The following NRXN3 variants were observed in gnomAD, a reference collection of about 807,000 sequenced individuals.
NRXN3 encodes the protein neurexin 3.
Under a neutral mutation model 137.6 loss-of-function variants are expected in NRXN3, and 32 were observed. That is an observed-to-expected ratio of 0.23 (90% CI 0.18 to 0.31). The LOEUF (loss-of-function observed/expected upper bound fraction) is 0.31. NRXN3 is among the 10% of genes least tolerant of loss of function. The pLI is 1.00. For missense variants in NRXN3, 1,574 were observed against 2,062.5 expected, an observed-to-expected ratio of 0.76 and a Z score of 4.59; for synonymous variants, 798 against 784.5, an observed-to-expected ratio of 1.02 and a Z score of -0.29.
intron 8 of NRXN3, among the ~76,000 whole-genome samples, chr14:78,740,696 G>T (rs954096219): frequency 6.6e-6 from 1 of 151,980 alleles, no homozygotes; most frequent in Non-Finnish European, 1.5e-5. Context: ...AGTTCTCTTT[G>T]CATGTTGGCT....
intron 16 of NRXN3, among the ~76,000 whole-genome samples, chr14:79,531,818 T>C (rs1437413939): frequency 2.0e-5 from 3 of 152,196 alleles, no homozygotes; most frequent in African/African-American, 4.8e-5. Context: ...GTTGAATCTC[T>C]GTTGGCTTGA....
intron 15 of NRXN3, among the ~76,000 whole-genome samples, chr14:79,216,253 G>A (rs928517484): frequency 2.6e-5 from 4 of 152,190 alleles, no homozygotes; most frequent in African/African-American, 9.6e-5. Flanking sequence ...CATGCATGGT[G>A]GCTGCGCTTC....
chr14:79,228,843 A>G (rs1475381665), intron 15 of NRXN3, among the ~76,000 whole-genome samples: 1 of 152,168 alleles, frequency 6.6e-6, no homozygotes, highest in Non-Finnish European at 1.5e-5. Context: ...TCTGGATTAC[A>G]CATTTGCTGA....
At chr14:78,200,429 G>T (rs924435719) in intron 1 of NRXN3, among the ~76,000 whole-genome samples, 1 of 152,142 alleles carries the variant, frequency 6.6e-6, no homozygotes, top group Non-Finnish European at 1.5e-5. Context: ...GTCACCTGGG[G>T]TCCCAGAGTC....
chr14:79,804,888 C>G (rs2099197615), intron 19 of NRXN3, among the ~76,000 whole-genome samples: 1 of 152,142 alleles, frequency 6.6e-6, no homozygotes, highest in African/African-American at 2.4e-5. Context: ...GGTCACTCAG[C>G]TCTACGGAAG....
At chr14:79,166,014 A>G (rs952179261) in intron 15 of NRXN3, among the ~76,000 whole-genome samples, 75 of 151,946 alleles carry the variant, frequency 4.9e-4, no homozygotes, top group African/African-American at 1.7e-3. Flanking sequence ...AGAATGTTCT[A>G]TTTGCTCCAA....
At chr14:79,701,844 CTATGT>C (rs1482185982) in intron 19 of NRXN3, among the ~76,000 whole-genome samples, 27 of 152,070 alleles carry the variant, frequency 1.8e-4, no homozygotes, top group Admixed American at 2.6e-4. Flanking sequence ...CTTCTAGTGG[CTATGT>C]TATATGATTG....
intron 16 of NRXN3, among the ~76,000 whole-genome samples, chr14:79,589,683 T>C (rs939694750): frequency 3.3e-5 from 5 of 151,922 alleles, no homozygotes; most frequent in Non-Finnish European, 7.4e-5. Context: ...GCAGAAGACA[T>C]TATTGAACAA....
chr14:79,314,713 G>C, intron 15 of NRXN3, among the ~76,000 whole-genome samples: 1 of 145,362 alleles, frequency 6.9e-6, no homozygotes, highest in South Asian at 2.3e-4. Context: ...CGCAGCTGGA[G>C]ATCTGAGGAC....
chr14:79,303,172 A>T (rs1197282879), intron 15 of NRXN3, among the ~76,000 whole-genome samples: 4 of 151,940 alleles, frequency 2.6e-5, no homozygotes, highest in African/African-American at 9.7e-5. Flanking sequence ...GGCTTTAGGG[A>T]ATGCCCTTTA....
intron 4 of NRXN3, among the ~76,000 whole-genome samples, chr14:78,631,147 C>T (rs1418259691): frequency 1.3e-5 from 2 of 152,152 alleles, no homozygotes; most frequent in African/African-American, 4.8e-5. Context: ...ATCAGAGAAT[C>T]AGGTTCATTT....
At chr14:78,415,118 G>C (rs567443625) in intron 4 of NRXN3, among the ~76,000 whole-genome samples, 32 of 152,228 alleles carry the variant, frequency 2.1e-4, no homozygotes, top group African/African-American at 7.5e-4. Context: ...TCTAAGATTT[G>C]GGCAAGGCTG....
chr14:78,391,099 A>T (rs565508301), intron 4 of NRXN3, among the ~76,000 whole-genome samples: 3 of 152,318 alleles, frequency 2.0e-5, no homozygotes, highest in African/African-American at 4.8e-5. Context: ...ATGTCCCTGC[A>T]AAGGACATGA....
intron 6 of NRXN3, among the ~76,000 whole-genome samples, chr14:78,705,249 G>A (rs1238352936): frequency 6.6e-6 from 1 of 152,154 alleles, no homozygotes; most frequent in Non-Finnish European, 1.5e-5. Context: ...AGCCATTTGG[G>A]GACATTCATT....
chr14:78,397,408 T>C (rs969116742), intron 4 of NRXN3, among the ~76,000 whole-genome samples: 1 of 147,772 alleles, frequency 6.8e-6, no homozygotes, highest in African/African-American at 2.7e-5. Context: ...TTAATTGATT[T>C]TTCTCCCCCT....
intron 19 of NRXN3, among the ~76,000 whole-genome samples, chr14:79,703,410 A>G (rs2098763148): frequency 6.6e-6 from 1 of 152,124 alleles, no homozygotes; most frequent in Non-Finnish European, 1.5e-5. Flanking sequence ...TGTGTTGAAG[A>G]GCGTGGGCTT....
chr14:78,297,878 G>C lies in NRXN3; in HGVS notation c.757+18G>C, dbSNP rs1351935985. The C allele has an allele frequency of 6.5e-7, 1 of 1,536,058 alleles. No individual in the cohort carries two copies. Among genetic ancestry groups the C allele is most frequent in the East Asian group, 2.4e-5 (1 of 40,890 alleles). ...TGAACAAGGTAGGTGCTTTGTGCTT[G>C]TGGTCCTGCAGCTGCCTGAACTGCT... On this transcript the variant is annotated intron_variant, in intron 4 of 20. Transcript: ENST00000335750.
chr14:78,615,152 A>G (rs977314201), intron 4 of NRXN3: 6 of 454,014 alleles, frequency 1.3e-5, no homozygotes, highest in Non-Finnish European at 1.8e-5. Flanking sequence ...GATAATAACA[A>G]TATCTTACAT....
chr14:79,498,840 A>G (rs1026320653), intron 16 of NRXN3, among the ~76,000 whole-genome samples: 1 of 152,198 alleles, frequency 6.6e-6, no homozygotes, highest in Non-Finnish European at 1.5e-5. Flanking sequence ...GCTGGAGTGC[A>G]GTGGCACAAT....
Sources: allele counts gnomAD v4.1 joint callset (sites outside exome capture counted in the v4.1 genomes callset), GRCh38; gene constraint gnomAD v4.1.1; transcripts MANE v1.5; gene names NCBI Gene and HGNC (gene_info 2026-07-23, HGNC 2026-07-21).